PTPRS: variants seen among roughly 807,000 people sequenced by gnomAD.
The protein encoded by PTPRS is receptor-type tyrosine-protein phosphatase S.
Under a neutral mutation model 215.3 loss-of-function variants are expected in PTPRS, and 63 were observed. The observed-to-expected ratio is 0.29, with a 90% confidence interval of 0.24 to 0.36. The LOEUF (loss-of-function observed/expected upper bound fraction) is 0.36, where lower values mean the gene tolerates loss of function less well. PTPRS is among the 10% of genes least tolerant of loss of function. The pLI, the probability that PTPRS is intolerant of heterozygous loss-of-function variation, is 1.00. For missense variants in PTPRS, 2,258 were observed against 2,825.8 expected, an observed-to-expected ratio of 0.80 and a Z score of 4.56; for synonymous variants, 1,404 against 1,191.4, an observed-to-expected ratio of 1.18 and a Z score of -3.68.
intron 16 of PTPRS, among the ~76,000 whole-genome samples, chr19:5,227,951 C>T (rs1360128705): frequency 6.6e-6 from 1 of 152,088 alleles, no homozygotes; most frequent in Non-Finnish European, 1.5e-5. Context: ...CCCCCAAGCA[C>T]AGGCCGGCAT....
At chr19:5,221,680 A>C (rs2041992004) in intron 19 of PTPRS, among the ~76,000 whole-genome samples, 1 of 152,058 alleles carries the variant, frequency 6.6e-6, no homozygotes, top group South Asian at 2.1e-4. Context: ...CCTCAATCCC[A>C]GGCTGACCCC....
In PTPRS at chr19:5,237,914, C is replaced by T. The variant is rs79788058; in HGVS notation, c.1849+1005G>A. On this transcript the variant is annotated intron_variant, in intron 13 of 37. Transcript: ENST00000262963. The surrounding 1 kb of genome is among the most constrained non-coding windows in gnomAD (Gnocchi z 4.2). ...CCCCGATCCCAGCGGCTCAGATGCC[C>T]CGGCTGGAGTTGATGTTAACCCTTC... is the stretch of plus-strand genomic sequence containing the variant. 0.095 allele frequency among the ~76,000 whole-genome samples: 14,531 copies of T among 152,172 alleles called. 737 individuals are homozygous for T. The highest frequency in any genetic ancestry group is 0.12 in the African/African-American group (4,995 of 41,506).
chr19:5,247,070 G>A (rs2044562378), intron 9 of PTPRS, among the ~76,000 whole-genome samples: 1 of 151,316 alleles, frequency 6.6e-6, no homozygotes, highest in South Asian at 2.1e-4. Context: ...GAGCGGGAGG[G>A]GCAGAGAAAG....
intron 16 of PTPRS, among the ~76,000 whole-genome samples, chr19:5,226,997 C>A (rs12610082): frequency 0.84 from 127,698 of 151,918 alleles, 54,149 homozygotes; most frequent in African/African-American, 0.96. Context: ...GGAAACGGTC[C>A]AATGCTACAA....
At chr19:5,264,520 A>G (rs1019970384) in intron 5 of PTPRS, among the ~76,000 whole-genome samples, 1 of 152,092 alleles carries the variant, frequency 6.6e-6, no homozygotes, top group African/African-American at 2.4e-5. Flanking sequence ...TACATTGCCC[A>G]TGCTGGTCTC....
chr19:5,270,059 G>C (rs2046776188), intron 4 of PTPRS, among the ~76,000 whole-genome samples: 1 of 152,082 alleles, frequency 6.6e-6, no homozygotes, highest in Admixed American at 6.6e-5. Context: ...GCTGGCTTGG[G>C]GCAAGAGAAG....
At chr19:5,271,689 C>A (rs764402728) in intron 4 of PTPRS, among the ~76,000 whole-genome samples, 2 of 151,292 alleles carry the variant, frequency 1.3e-5, no homozygotes, top group Admixed American at 6.6e-5. Flanking sequence ...TGAGCTACCG[C>A]GCCCAGCCAT....
At chr19:5,308,376 C>A (rs894552873) in intron 1 of PTPRS, among the ~76,000 whole-genome samples, 17 of 152,302 alleles carry the variant, frequency 1.1e-4, no homozygotes, top group African/African-American at 3.8e-4. Context: ...CATCGTCCCC[C>A]CAGACTCCTT....
chr19:5,222,657 C>G, intron 18 of PTPRS, 32 bp downstream of exon 18: 1 of 1,503,826 alleles, frequency 6.6e-7, no homozygotes, highest in Non-Finnish European at 8.8e-7. Flanking sequence ...AGGCCCGGTC[C>G]GGCTCTGGTG....
At chr19:5,303,954 A>AAAAAAAAAAAAAATAAT in intron 1 of PTPRS, among the ~76,000 whole-genome samples, 1 of 132,252 alleles carries the variant, frequency 7.6e-6, no homozygotes, top group Admixed American at 8.1e-5. Flanking sequence ...CTGTCTCAAA[A>AAAAAAAAAAAAAATAAT]AATAATAATA....
chr19:5,252,406 G>C (rs1011588929), intron 9 of PTPRS, among the ~76,000 whole-genome samples: 1 of 152,016 alleles, frequency 6.6e-6, no homozygotes, highest in East Asian at 1.9e-4. Flanking sequence ...GTGAAACCCT[G>C]TCTCTACCAG....
At position 5,262,854 on chromosome 19, in the gene PTPRS, GTCACAGT is replaced by G; in HGVS notation, c.577+103_577+109del. The G allele has an allele frequency of 4.1e-6, 5 of 1,230,250 alleles. No individual in the cohort carries two copies. In the South Asian group the frequency reaches 6.6e-5, roughly 16 times the overall value. 76.2% of individuals were successfully genotyped at this position (1,230,250 alleles called of 1,614,324 possible). A position where few individuals can be genotyped will look rare whatever the true frequency, so the allele number is the denominator to read the frequency against. ...TTAGTAAACATACCAGGCAGAGTGG[GTCACAGT>G]TACCATCACGGTGGCTGTTAGTTTG... On this transcript the variant is annotated intron_variant, in intron 6 of 37. Coordinates refer to ENST00000262963, the MANE Select transcript of PTPRS (RefSeq NM_002850.4).
chr19:5,228,692 C>A (rs941930560), intron 16 of PTPRS, among the ~76,000 whole-genome samples: 2 of 152,186 alleles, frequency 1.3e-5, no homozygotes, highest in Non-Finnish European at 2.9e-5. Context: ...TCAGCAGAGA[C>A]TGGTACTCCC....
At chr19:5,240,359 G>A (rs1323729156) in intron 11 of PTPRS, 27 bp from the exon 12 acceptor site, 2 of 1,557,896 alleles carry the variant, frequency 1.3e-6, no homozygotes, top group Admixed American at 1.9e-5. Context: ...AGACAACTAG[G>A]AGTCGGGGAG....
intron 12 of PTPRS, 114 bp from the exon 13 acceptor site, chr19:5,239,177 G>GAC (rs1481679808): frequency 1.2e-5 from 9 of 723,334 alleles, no homozygotes; most frequent in Non-Finnish European, 1.6e-5. Context: ...GAGAGAGAGA[G>GAC]AGAGAGAGAG....
chr19:5,270,695 T>A (rs1315682687), intron 4 of PTPRS, among the ~76,000 whole-genome samples: 1 of 152,134 alleles, frequency 6.6e-6, no homozygotes, highest in Non-Finnish European at 1.5e-5. Context: ...TGGAGTACAG[T>A]GGCGCAATCT....
rs80339593 is a variant in PTPRS, at chr19:5,288,852, C to T, written c.-94-2618G>A. Among the ~76,000 whole-genome samples, 1,472 of 152,350 alleles carry T rather than the reference C, an allele frequency of 9.7e-3. 25 individuals are homozygous for T. The highest frequency in any genetic ancestry group is 0.033 in the African/African-American group (1,387 of 41,584). ...CTTCTAAACCAGGCAGCCCTAATTA[C>T]ACCCTGGCTCCCACGGCAGAAGCCA... On this transcript the variant is annotated intron_variant, in intron 1 of 37. Coordinates refer to ENST00000262963, the MANE Select transcript of PTPRS (RefSeq NM_002850.4).
At chr19:5,275,650 A>T (rs2047301970) in intron 2 of PTPRS, among the ~76,000 whole-genome samples, 1 of 152,094 alleles carries the variant, frequency 6.6e-6, no homozygotes, top group Non-Finnish European at 1.5e-5. Flanking sequence ...TACTAAGGAA[A>T]CAAACATTAG....
At chr19:5,310,510 G>A (rs1241151748) in intron 1 of PTPRS, among the ~76,000 whole-genome samples, 3 of 151,644 alleles carry the variant, frequency 2.0e-5, no homozygotes, top group African/African-American at 7.3e-5. Flanking sequence ...TAGAGACAGG[G>A]TTTCACCATG....
Sources: allele counts gnomAD v4.1 joint callset (sites outside exome capture counted in the v4.1 genomes callset), GRCh38; gene constraint gnomAD v4.1.1; non-coding constraint Gnocchi (gnomAD v3.1); transcripts MANE v1.5; gene names NCBI Gene and HGNC (gene_info 2026-07-23, HGNC 2026-07-21).